PYHIN1: variants seen among roughly 807,000 people sequenced by gnomAD.
The protein encoded by PYHIN1 is pyrin and HIN domain family member 1, also known as pyrin and HIN domain-containing protein 1.
Under a neutral mutation model 43.7 loss-of-function variants are expected in PYHIN1, and 32 were observed. That is an observed-to-expected ratio of 0.73 (90% CI 0.55 to 0.98). PYHIN1 has a LOEUF of 0.98. Among genes scored for constraint, PYHIN1 ranks in the 50% least tolerant of loss-of-function variants. PYHIN1 has a pLI of 0.00. For missense variants in PYHIN1, 588 were observed against 589.5 expected (o/e 1.00, Z 0.03); for synonymous variants, 205 against 203.1 (o/e 1.01, Z -0.08).
At chr1:158,970,947 A>T (rs1650899814) in intron 7 of PYHIN1, among the ~76,000 whole-genome samples, 1 of 152,094 alleles carries the variant, frequency 6.6e-6, no homozygotes, top group South Asian at 2.1e-4. Context: ...GATAATTAGT[A>T]TTAGTTGAAA....
chr1:158,960,341 A>G (rs1413860229), intron 7 of PYHIN1, among the ~76,000 whole-genome samples: 1 of 152,178 alleles, frequency 6.6e-6, no homozygotes, highest in Non-Finnish European at 1.5e-5. Flanking sequence ...TCTCACTTAC[A>G]CTGATTGAAT....
chr1:158,941,873 A>T, intron 4 of PYHIN1, 104 bp from the exon 5 acceptor site: 1 of 1,078,000 alleles, frequency 9.3e-7, no homozygotes, highest in Non-Finnish European at 1.3e-6. Flanking sequence ...CTACACATCT[A>T]CAACTTTTGG....
Position 158,942,264 on chromosome 1 carries a change from A to T in PYHIN1, c.867A>T (p.Val289=), listed in dbSNP as rs142851890. 3.1e-6 allele frequency: 5 copies of T among 1,614,014 alleles called. No homozygotes were observed. In the African/African-American group the frequency reaches 6.7e-5, roughly 22 times the overall value. ...TAGAGGTGAATGAAGCCTCTTCTGT[A>T]TCTGAAGCTGGTCCTGACCAAACGT... ...SLLEVNEASS[V]SEAGPDQTFE... The change falls in exon 5 of 9, where the codon GTA becomes GTT. Residue 289 remains valine, a synonymous_variant. Coordinates refer to ENST00000368140, the MANE Select transcript of PYHIN1 (RefSeq NM_152501.5).
intron 8 of PYHIN1, among the ~76,000 whole-genome samples, chr1:158,975,308 C>A (rs997612469): frequency 4.6e-5 from 7 of 152,006 alleles, no homozygotes; most frequent in African/African-American, 1.4e-4. Context: ...GCAGACCATT[C>A]TTATTTTTCA....
At chr1:158,955,391 T>C (rs1428688309) in intron 7 of PYHIN1, among the ~76,000 whole-genome samples, 1 of 149,744 alleles carries the variant, frequency 6.7e-6, no homozygotes, top group Non-Finnish European at 1.5e-5. Context: ...ACAGAAATTA[T>C]AACAAACTAT....
chr1:158,988,923 A>G, the PYHIN1 span, among the ~76,000 whole-genome samples: 2 of 152,214 alleles, frequency 1.3e-5, no homozygotes, highest in Non-Finnish European at 1.5e-5. Context: ...CAGGTATATG[A>G]CAAGTGGACA....
chr1:158,986,079 C>T, the PYHIN1 span, among the ~76,000 whole-genome samples: 2 of 151,896 alleles, frequency 1.3e-5, no homozygotes, highest in African/African-American at 2.4e-5. Context: ...TCTTAGATTC[C>T]TTTGATTGGG....
intron 7 of PYHIN1, among the ~76,000 whole-genome samples, chr1:158,960,152 A>G (rs528622574): frequency 6.6e-6 from 1 of 152,274 alleles, no homozygotes; most frequent in East Asian, 1.9e-4. Context: ...GTTTTAATTA[A>G]CTATATTGCC....
chr1:158,954,720 C>G (rs1458948009), intron 7 of PYHIN1, among the ~76,000 whole-genome samples: 1 of 149,698 alleles, frequency 6.7e-6, no homozygotes, highest in African/African-American at 2.5e-5. Flanking sequence ...CAGCTAACAT[C>G]ATAATGACAG....
chr1:158,961,724 A>G (rs1314635758), intron 7 of PYHIN1, among the ~76,000 whole-genome samples: 2 of 151,986 alleles, frequency 1.3e-5, no homozygotes, highest in Non-Finnish European at 2.9e-5. Flanking sequence ...AGACCACCCC[A>G]CTGGAGCCTT....
intron 7 of PYHIN1, among the ~76,000 whole-genome samples, chr1:158,964,115 G>A (rs1403341680): frequency 6.6e-6 from 1 of 152,104 alleles, no homozygotes; most frequent in Non-Finnish European, 1.5e-5. Flanking sequence ...AGAGCAGAAT[G>A]AAATAACCTG....
intron 7 of PYHIN1, among the ~76,000 whole-genome samples, chr1:158,946,486 C>T (rs1649225564): frequency 6.6e-6 from 1 of 151,972 alleles, no homozygotes; most frequent in Non-Finnish European, 1.5e-5. Context: ...ATGCAGACTA[C>T]AAAACAGCAG....
rs1007727767 is a variant in PYHIN1, at chr1:158,933,976, G to A, written c.-21+2200G>A. Among the ~76,000 whole-genome samples, 4 of 152,034 alleles carry A rather than the reference G, an allele frequency of 2.6e-5. No homozygotes were observed. Among genetic ancestry groups the A allele is most frequent in the Non-Finnish European group, 4.4e-5 (3 of 67,970 alleles). Reference sequence around the variant, plus strand: ...ATCTTTGTCTGGAAAAACTACTGAGGCCTTCAGGTTCAGAGAATAGTTTTT... The same window carrying A: ...ATCTTTGTCTGGAAAAACTACTGAGACCTTCAGGTTCAGAGAATAGTTTTT... On this transcript the variant is annotated intron_variant, in intron 1 of 8. Coordinates refer to ENST00000368140, the MANE Select transcript of PYHIN1 (RefSeq NM_152501.5). The surrounding 1 kb of genome is among the most constrained non-coding windows in gnomAD (Gnocchi z 6.3).
At chr1:158,953,230 G>T (rs374431243) in intron 7 of PYHIN1, among the ~76,000 whole-genome samples, 1 of 140,324 alleles carries the variant, frequency 7.1e-6, no homozygotes, top group African/African-American at 2.6e-5. Flanking sequence ...CAGGAAGCTC[G>T]AACTGGGTGG....
chr1:158,978,289 A>G (rs1651366618), downstream of PYHIN1, among the ~76,000 whole-genome samples: 1 of 3,670 alleles, frequency 2.7e-4, no homozygotes, highest in Admixed American at 0.02. Flanking sequence ...ATATATATAT[A>G]TATATATATA....
chr1:158,954,697 C>A (rs1357181588), intron 7 of PYHIN1, among the ~76,000 whole-genome samples: 2 of 148,072 alleles, frequency 1.4e-5, no homozygotes, highest in African/African-American at 5.0e-5. Flanking sequence ...CATCAACTAA[C>A]GAGCAAAATC....
chr1:158,983,105 C>A, the PYHIN1 span, among the ~76,000 whole-genome samples: 1 of 150,472 alleles, frequency 6.6e-6, no homozygotes, highest in African/African-American at 2.4e-5. Flanking sequence ...GTTTGACTTC[C>A]TTTCTTTCTA....
At chr1:158,939,498 T>G in intron 4 of PYHIN1, 2 of 1,550,882 alleles carry the variant, frequency 1.3e-6, no homozygotes. Context: ...ATCTGGAACT[T>G]TCAGCAACAG....
At position 158,939,106 on chromosome 1, in the gene PYHIN1, G is replaced by A. The variant is rs560721679; in HGVS notation, c.438G>A (p.Glu146=). The change falls in exon 4 of 9, where the codon GAG becomes GAA. Residue 146 remains glutamate (E), a synonymous_variant. Transcript: ENST00000368140. ...AAAGAAAAAAACCATCTGAAGAAGA[G>A]ACTGGAACCAAAAGGAGTAAGATGT... The part of the protein sequence containing the change: ...PQKRKKPSEE[E]TGTKRSKMSK... 6.2e-7 allele frequency: 1 copy of A among 1,600,916 alleles called. No individual in the cohort carries two copies. Among genetic ancestry groups the A allele is most frequent in the Admixed American group, 1.8e-5 (1 of 55,992 alleles).
Sources: gnomAD v4.1 joint callset for allele counts (sites outside exome capture counted in the v4.1 genomes callset) on GRCh38, gnomAD v4.1.1 for gene constraint, Gnocchi (gnomAD v3.1) non-coding constraint, MANE v1.5 for transcripts, NCBI Gene and HGNC (gene_info 2026-07-23, HGNC 2026-07-21) for gene names.